Variants in HHIP observed in about 807,000 individuals in gnomAD.
HHIP encodes the protein hedgehog interacting protein, also known as hedgehog-interacting protein.
In HHIP, 12 loss-of-function variants were observed where a neutral mutation model predicts 74.0. The ratio of observed to expected loss-of-function variants is 0.16; its 90% CI spans 0.10 to 0.26. The LOEUF (loss-of-function observed/expected upper bound fraction) is 0.26. Among genes scored for constraint, HHIP ranks in the 10% least tolerant of loss-of-function variants. The probability of loss-of-function intolerance (pLI) is 1.00; values close to 1 mark genes in which losing one functional copy is unlikely to be tolerated. For missense variants in HHIP, 788 were observed against 845.0 expected, an observed-to-expected ratio of 0.93 and a Z score of 0.84; for synonymous variants, 309 against 311.6, an observed-to-expected ratio of 0.99 and a Z score of 0.09.
At chr4:144,698,485 G>C (rs573113545) in intron 4 of HHIP, among the ~76,000 whole-genome samples, 3 of 152,226 alleles carry the variant, frequency 2.0e-5, no homozygotes, top group African/African-American at 7.2e-5. Flanking sequence ...ATACCACATA[G>C]CCTAGATGTG....
rs980277455 is a variant in HHIP at position 144,727,286 on chromosome 4, A to G, written c.1761-7455A>G. Among the ~76,000 whole-genome samples, 105 of 151,718 alleles carry G rather than the reference A, an allele frequency of 6.9e-4. 1 individual carries two copies. Among genetic ancestry groups the G allele is most frequent in the East Asian group, 3.9e-4 (2 of 5,178 alleles). ...TCTGGTGACACTTCTTATAACGGCA[A>G]TAATCGCATCATGGGGGCTCTATCT... On this transcript the variant is annotated intron_variant, in intron 11 of 12. Transcript: ENST00000296575.
chr4:144,731,912 A>C (rs965391844), intron 11 of HHIP, among the ~76,000 whole-genome samples: 2 of 152,142 alleles, frequency 1.3e-5, no homozygotes, highest in Non-Finnish European at 2.9e-5. Flanking sequence ...CAAAGATCAC[A>C]CTGCATTATA....
intron 10 of HHIP, 42 bp from the exon 11 acceptor site, chr4:144,718,833 T>G: frequency 8.5e-7 from 1 of 1,177,226 alleles, no homozygotes; most frequent in Non-Finnish European, 1.3e-6. Flanking sequence ...TAAGGACCTC[T>G]ACTGCTATAA....
intron 4 of HHIP, among the ~76,000 whole-genome samples, chr4:144,667,608 C>T (rs1003193597): frequency 2.0e-5 from 3 of 152,214 alleles, no homozygotes; most frequent in Non-Finnish European, 4.4e-5. Context: ...GCCCACCTCA[C>T]TGCAAAGTCC....
intron 4 of HHIP, among the ~76,000 whole-genome samples, chr4:144,688,779 CG>C (rs1729553775): frequency 7.0e-6 from 1 of 143,404 alleles, no homozygotes; most frequent in African/African-American, 3.0e-5. Context: ...TATGCAAGAA[CG>C]GAAGGGATGA....
rs1731239373 is a variant in HHIP at position 144,740,584 on chromosome 4, A to T, written c.*2627A>T. On this transcript the variant is annotated 3_prime_UTR_variant, in exon 13 of 13. Coordinates refer to ENST00000296575, the MANE Select transcript of HHIP (RefSeq NM_022475.3). ...TATTTTAAATTAAGTGGTCAATTCA[A>T]AAATTCTCTTTGACCTTTTCTTTCA... The T allele has an allele frequency of 6.6e-6, 1 of 152,246 alleles. No homozygotes were observed. The highest frequency in any genetic ancestry group is 1.5e-5 in the Non-Finnish European group (1 of 68,046). 9.4% of individuals were successfully genotyped at this position (152,246 alleles called of 1,614,324 possible).
intron 4 of HHIP, among the ~76,000 whole-genome samples, chr4:144,666,247 TCGTGTG>T (rs1291922828): frequency 1.0e-5 from 1 of 95,798 alleles, no homozygotes; most frequent in Non-Finnish European, 2.1e-5. Context: ...GATACTACAG[TCGTGTG>T]TGTGTGTGTG....
chr4:144,684,542 G>C (rs1369812417), intron 4 of HHIP, among the ~76,000 whole-genome samples: 1 of 151,634 alleles, frequency 6.6e-6, no homozygotes, highest in Non-Finnish European at 1.5e-5. Flanking sequence ...GCCTCCCAAA[G>C]TGCTGAGATT....
chr4:144,679,271 A>C (rs1234687437), intron 4 of HHIP, among the ~76,000 whole-genome samples: 2 of 151,780 alleles, frequency 1.3e-5, no homozygotes, highest in East Asian at 1.9e-4. Context: ...TAGATTCTGG[A>C]TATTAGCCCT....
chr4:144,730,985 C>T (rs558868040), intron 11 of HHIP, among the ~76,000 whole-genome samples: 6 of 152,178 alleles, frequency 3.9e-5, no homozygotes, highest in African/African-American at 1.4e-4. Flanking sequence ...GACTTCTTAG[C>T]CTTCGGTTTA....
intron 4 of HHIP, among the ~76,000 whole-genome samples, chr4:144,703,907 T>G (rs1730059123): frequency 6.6e-6 from 1 of 152,154 alleles, no homozygotes; most frequent in Admixed American, 6.5e-5. Flanking sequence ...CCTTGAAAAA[T>G]GACCCAGACC....
At chr4:144,704,114 T>C (rs528538580) in intron 4 of HHIP, among the ~76,000 whole-genome samples, 2 of 152,362 alleles carry the variant, frequency 1.3e-5, no homozygotes, top group East Asian at 1.9e-4. Flanking sequence ...AATCCTGTTA[T>C]ATAATTTTAA....
At chr4:144,691,787 C>A (rs1216572855) in intron 4 of HHIP, among the ~76,000 whole-genome samples, 15 of 151,980 alleles carry the variant, frequency 9.9e-5, no homozygotes, top group Non-Finnish European at 1.5e-5. Context: ...AGCAATGCCT[C>A]CTCCAAAGCC....
At chr4:144,657,893 G>T (rs182234970) in intron 2 of HHIP, among the ~76,000 whole-genome samples, 6 of 152,278 alleles carry the variant, frequency 3.9e-5, no homozygotes, top group Non-Finnish European at 5.9e-5. Flanking sequence ...TTTGAAAATG[G>T]AGGCTCTGTT....
At chr4:144,673,398 A>G (rs1729094708) in intron 4 of HHIP, among the ~76,000 whole-genome samples, 1 of 152,212 alleles carries the variant, frequency 6.6e-6, no homozygotes, top group East Asian at 1.9e-4. Context: ...AAGGTTGTAA[A>G]TTACAGGAAA....
chr4:144,718,835 C>T (rs1464822601), intron 10 of HHIP, 40 bp from the exon 11 acceptor site: 1 of 1,199,018 alleles, frequency 8.3e-7, no homozygotes, highest in South Asian at 1.2e-5. Context: ...AGGACCTCTA[C>T]TGCTATAAAT....
rs775905619 is a variant in HHIP at position 144,646,866 on chromosome 4, G to C, written c.191G>C (p.Gly64Ala). ...ATGTCCCAGCTGGAGCTGCTGAGTG[G>C]GGGAGAGATGCTGTGCGGTGGCTTC... ...RMMSQLELLS[G>A]GEMLCGGFYP... Residue 64 changes from glycine to alanine, a missense_variant, in exon 1 of 13, where the codon GGG (glycine) becomes GCG (alanine). Coordinates refer to ENST00000296575, the MANE Select transcript of HHIP (RefSeq NM_022475.3). The C allele has an allele frequency of 1.2e-6, 2 of 1,614,210 alleles. No homozygotes were observed. The highest frequency in any genetic ancestry group is 1.7e-6 in the Non-Finnish European group (2 of 1,180,034).
At chr4:144,650,336 T>A (rs1201224080) in intron 1 of HHIP, among the ~76,000 whole-genome samples, 2 of 152,154 alleles carry the variant, frequency 1.3e-5, no homozygotes, top group African/African-American at 4.8e-5. Context: ...GCTGTAATAA[T>A]GTTTCGAAGT....
At position 144,734,818 on chromosome 4, in the gene HHIP, G is replaced by C. The variant is rs200566587; in HGVS notation, c.1838G>C (p.Arg613Pro). The C allele has an allele frequency of 1.9e-5, 30 of 1,612,960 alleles. No homozygotes were observed. Among genetic ancestry groups the C allele is most frequent in the South Asian group, 1.5e-4 (14 of 90,942 alleles). The change falls in exon 12 of 13, where the codon CGA (arginine) becomes CCA (proline). Residue 613 changes from arginine (R) to proline (P), a missense_variant. By Grantham distance (103) the Arg-to-Pro change is moderately radical. This residue lies in a region of HHIP where 343 missense variants were observed against 347.9 expected (regional missense o/e 0.99). Transcript: ENST00000296575. ...TLTSECSRLC[R>P]NGYCTPTGKC... ...ACTTCAGAGTGCTCCAGGCTCTGTC[G>C]AAACGGCTACTGCACCCCCACGGGA...
Sources: allele counts gnomAD v4.1 joint callset (sites outside exome capture counted in the v4.1 genomes callset), GRCh38; gene constraint gnomAD v4.1.1; regional missense constraint gnomAD v4.1.1; transcripts MANE v1.5; gene names NCBI Gene and HGNC (gene_info 2026-07-23, HGNC 2026-07-21).